The following AIM2 variants were observed in gnomAD, a reference collection of about 807,000 sequenced individuals.
The protein encoded by AIM2 is interferon-inducible protein AIM2.
In AIM2, 30 loss-of-function variants were observed where a neutral mutation model predicts 27.7. The ratio of observed to expected loss-of-function variants is 1.08; its 90% CI spans 0.81 to 1.47. The LOEUF is 1.47. Among genes scored for constraint, AIM2 ranks in the 40% most tolerant of loss-of-function variants. The pLI, the probability that AIM2 is intolerant of heterozygous loss-of-function variation, is 0.00. For missense variants in AIM2, 358 were observed against 411.3 expected (o/e 0.87, Z 1.12); for synonymous variants, 141 against 145.3 (o/e 0.97, Z 0.21).
intron 2 of AIM2, among the ~76,000 whole-genome samples, chr1:159,072,200 C>T (rs1656389841): frequency 6.6e-6 from 1 of 152,216 alleles, no homozygotes; most frequent in Admixed American, 6.5e-5. Context: ...CTAAGAACTA[C>T]ACCTTCTAAC....
At chr1:159,072,780 G>A (rs931209894) in intron 2 of AIM2, among the ~76,000 whole-genome samples, 1 of 152,140 alleles carries the variant, frequency 6.6e-6, no homozygotes, top group African/African-American at 2.4e-5. Flanking sequence ...GACAAGGAGA[G>A]GAATAGACAG....
Position 159,066,026 on chromosome 1 carries a change from G to A in AIM2, c.700C>T (p.Gln234Ter). The change falls in exon 4 of 6, where the codon CAA (glutamine) becomes TAA (stop). Residue 234 changes from glutamine to a stop codon, truncating the protein, a stop_gained. Transcript: ENST00000368130. LOFTEE classifies it high-confidence loss of function. ...ASRVLDAESD[Q>*]KVNVPLNIIR... ...ATGTTCAGCGGGACATTAACCTTTTGGTCAGATTCAGCATCTAACACACGT... is the reference window on the plus strand; with the variant it reads ...ATGTTCAGCGGGACATTAACCTTTTAGTCAGATTCAGCATCTAACACACGT... The A allele has an allele frequency of 1.2e-6, 2 of 1,614,058 alleles. No individual in the cohort carries two copies. The highest frequency in any genetic ancestry group is 1.7e-6 in the Non-Finnish European group (2 of 1,180,014).
At chr1:159,083,433 G>A (rs1656827495) in intron 1 of AIM2, among the ~76,000 whole-genome samples, 1 of 152,168 alleles carries the variant, frequency 6.6e-6, no homozygotes, top group Non-Finnish European at 1.5e-5. Flanking sequence ...ATTGGGAGTG[G>A]TAAGGTATGA....
intron 1 of AIM2, among the ~76,000 whole-genome samples, chr1:159,089,354 A>G (rs1656995976): frequency 6.6e-6 from 1 of 152,232 alleles, no homozygotes; most frequent in Non-Finnish European, 1.5e-5. Context: ...TGGTGTAGCC[A>G]AAGCACATCC....
intron 1 of AIM2, among the ~76,000 whole-genome samples, chr1:159,095,775 G>A (rs1445414896): frequency 6.6e-6 from 1 of 152,126 alleles, no homozygotes; most frequent in Non-Finnish European, 1.5e-5. Flanking sequence ...ATCATACATT[G>A]TATATTATCA....
At chr1:159,098,093 T>C in intron 1 of AIM2, among the ~76,000 whole-genome samples, 1 of 152,224 alleles carries the variant, frequency 6.6e-6, no homozygotes, top group South Asian at 2.1e-4. Flanking sequence ...ACCTTTCACA[T>C]ACCCAATAAT....
intron 1 of AIM2, among the ~76,000 whole-genome samples, chr1:159,112,579 A>T (rs1343736318): frequency 3.9e-5 from 6 of 152,216 alleles, no homozygotes; most frequent in African/African-American, 1.4e-4. Context: ...CTTTGATCTG[A>T]CGGAATACTT....
At chr1:159,116,661 C>T (rs1647358180) in intron 1 of AIM2, among the ~76,000 whole-genome samples, 1 of 151,934 alleles carries the variant, frequency 6.6e-6, no homozygotes, top group Non-Finnish European at 1.5e-5. Context: ...GGAAGGGGAA[C>T]ATCACACAAC....
At chr1:159,137,682 A>G (rs1218660585) in intron 1 of AIM2, among the ~76,000 whole-genome samples, 1 of 152,014 alleles carries the variant, frequency 6.6e-6, no homozygotes, top group Non-Finnish European at 1.5e-5. Context: ...AATAAAACCT[A>G]TGTGTTGGTA....
At chr1:159,131,767 C>T (rs1222503281) in intron 1 of AIM2, among the ~76,000 whole-genome samples, 4 of 152,176 alleles carry the variant, frequency 2.6e-5, no homozygotes, top group Non-Finnish European at 4.4e-5. Context: ...ACAGTTGGAT[C>T]ATCTGTACTT....
chr1:159,060,012 T>C (rs1158071807), downstream of AIM2, among the ~76,000 whole-genome samples: 3 of 152,154 alleles, frequency 2.0e-5, no homozygotes, highest in Non-Finnish European at 4.4e-5. Flanking sequence ...TGCTAATCTG[T>C]CCTCATAAAC....
chr1:159,085,564 T>C (rs1411829238), intron 1 of AIM2, among the ~76,000 whole-genome samples: 1 of 152,160 alleles, frequency 6.6e-6, no homozygotes, highest in Non-Finnish European at 1.5e-5. Context: ...TAATTGAATA[T>C]ATAAGCCTGG....
chr1:159,066,461 G>C, intron 3 of AIM2, 132 bp from the exon 4 acceptor site: 1 of 918,484 alleles, frequency 1.1e-6, no homozygotes, highest in Non-Finnish European at 1.6e-6. Context: ...AGATACAGAG[G>C]GGATACGAAG....
chr1:159,070,679 T>C (rs1656315676), intron 2 of AIM2, among the ~76,000 whole-genome samples: 1 of 152,252 alleles, frequency 6.6e-6, no homozygotes. Flanking sequence ...AACTGTCTTA[T>C]GAGGTAGTAG....
intron 1 of AIM2, among the ~76,000 whole-genome samples, chr1:159,076,164 C>T (rs1490694768): frequency 6.6e-6 from 1 of 152,172 alleles, no homozygotes; most frequent in Non-Finnish European, 1.5e-5. Flanking sequence ...CTGTGACAAT[C>T]AGCTTGGATG....
downstream of AIM2, among the ~76,000 whole-genome samples, chr1:159,061,957 T>C (rs1655852507): frequency 6.6e-6 from 1 of 152,214 alleles, no homozygotes; most frequent in South Asian, 2.1e-4. Context: ...GTTTTAGCTG[T>C]TTATGAAAAG....
intron 1 of AIM2, among the ~76,000 whole-genome samples, chr1:159,087,036 G>A (rs1204495719): frequency 6.6e-6 from 1 of 152,108 alleles, no homozygotes; most frequent in African/African-American, 2.4e-5. Flanking sequence ...GTGTACATTT[G>A]AAACTTTGTG....
At chr1:159,059,502 TA>T (rs1158392245), downstream of AIM2, among the ~76,000 whole-genome samples, 1 of 152,236 alleles carries the variant, frequency 6.6e-6, no homozygotes, top group Non-Finnish European at 1.5e-5. Context: ...CATAGACTGC[TA>T]AAACTGCCTC....
chr1:159,071,306 A>C (rs1163445103), intron 2 of AIM2, among the ~76,000 whole-genome samples: 1 of 152,226 alleles, frequency 6.6e-6, no homozygotes, highest in Non-Finnish European at 1.5e-5. Context: ...GGCAATGGAG[A>C]AGGATCACTT....
Sources: allele counts gnomAD v4.1 joint callset (sites outside exome capture counted in the v4.1 genomes callset), GRCh38; gene constraint gnomAD v4.1.1; transcripts MANE v1.5; gene names NCBI Gene and HGNC (gene_info 2026-07-23, HGNC 2026-07-21).